Variants in CDK4 observed in about 807,000 individuals in gnomAD.
CDK4 encodes the protein cyclin dependent kinase 4.
In CDK4, 13 loss-of-function variants were observed where a neutral mutation model predicts 36.7. The ratio of observed to expected loss-of-function variants is 0.35; its 90% CI spans 0.23 to 0.56. CDK4 has a LOEUF of 0.56. Among genes scored for constraint, CDK4 ranks in the 20% least tolerant of loss-of-function variants. The pLI is 0.85. For synonymous variants in CDK4, 158 were observed against 146.4 expected (o/e 1.08, Z -0.57); for missense variants, 285 against 387.3 (o/e 0.74, Z 2.22).
At chr12:57,749,023 A>C in intron 7 of CDK4, 159 bp downstream of exon 7, 2 of 962,492 alleles carry the variant, frequency 2.1e-6, no homozygotes, top group Non-Finnish European at 3.3e-6. Flanking sequence ...GTTCTCTTCT[A>C]TATCCTTCTC....
In CDK4 at chr12:57,751,747, A is replaced by G. The variant is rs2140388936; in HGVS notation, c.-19-11T>C. ...AGATCAAGGGAGACCCTACAATCAC[A>G]GACTCCTATCACCAAAAGTCGCTTA... On this transcript the variant is annotated splice_polypyrimidine_tract_variant and intron_variant, in intron 1 of 7. Transcript: ENST00000257904. This position sits in a 1 kb window ranked among gnomAD's most constrained non-coding sequence, Gnocchi z 4.5. 1 of 1,601,134 alleles carries G rather than the reference A, an allele frequency of 6.2e-7. No homozygotes were observed. The highest frequency in any genetic ancestry group is 8.6e-7 in the Non-Finnish European group (1 of 1,168,988).
chr12:57,750,266 C>T, intron 5 of CDK4: 1 of 244,554 alleles, frequency 4.1e-6, no homozygotes, highest in South Asian at 5.0e-5. Context: ...CTGCTATGGG[C>T]AAGTTAGTAG....
chr12:57,747,975 C>A lies in CDK4; in HGVS notation c.*550G>T. ...CAGGCTGGTCTCGAACTCCTGACCT[C>A]AGGTGATCCACCCGCGTTGGCCTCC... On this transcript the variant is annotated 3_prime_UTR_variant, in exon 8 of 8. Transcript: ENST00000257904. 1 of 210,878 alleles carries A rather than the reference C, an allele frequency of 4.7e-6. No individual in the cohort carries two copies. Among genetic ancestry groups the A allele is most frequent in the Admixed American group, 5.3e-5 (1 of 19,024 alleles). 13.1% of individuals were successfully genotyped at this position (210,878 alleles called of 1,614,324 possible).
chr12:57,750,260 T>C (rs1955220528), intron 5 of CDK4: 1 of 232,900 alleles, frequency 4.3e-6, no homozygotes, highest in African/African-American at 2.2e-5. Context: ...AGCTTTCTGC[T>C]ATGGGCAAGT....
chr12:57,750,800 T>C, intron 4 of CDK4, 35 bp from the exon 5 acceptor site: 1 of 1,592,130 alleles, frequency 6.3e-7, no homozygotes, highest in African/African-American at 1.3e-5. Context: ...GGGGACCCCA[T>C]GGGTTACCAT....
At chr12:57,749,396 G>C (rs2140383533) in intron 6 of CDK4, 58 bp downstream of exon 6, 1 of 1,612,842 alleles carries the variant, frequency 6.2e-7, no homozygotes, top group Non-Finnish European at 8.5e-7. Context: ...GCCATCCTGG[G>C]TTCAGCAGAA....
intron 7 of CDK4, chr12:57,748,949 G>A (rs567526804): frequency 4.0e-5 from 24 of 592,912 alleles, no homozygotes; most frequent in African/African-American, 2.4e-4. Flanking sequence ...CAGGTGATAC[G>A]CCCACCTTGG....
rs2140380706 is a variant in CDK4 at position 57,748,462 on chromosome 12, C to T, written c.*63G>A. The T allele has an allele frequency of 6.8e-6, 8 of 1,175,584 alleles. 1 individual carries two copies. Among genetic ancestry groups the T allele is most frequent in the Non-Finnish European group, 1.0e-5 (8 of 782,524 alleles). The allele number at this position is 1,175,584 out of a possible 1,614,324, so 72.8% of individuals were successfully genotyped here. A position where few individuals can be genotyped will look rare whatever the true frequency, so the allele number is the denominator to read the frequency against. On this transcript the variant is annotated 3_prime_UTR_variant, in exon 8 of 8. Transcript: ENST00000257904. ...GCCTCAGAGATAAAGGCAAAGATTG[C>T]CCTCTCAGTGTCCAGAAGGGAAATG...
rs1323224963 is a variant in CDK4 at position 57,748,468 on chromosome 12, C to T, written c.*57G>A. The stretch of plus-strand genomic sequence containing the variant: ...GAGATAAAGGCAAAGATTGCCCTCT[C>T]AGTGTCCAGAAGGGAAATGGCAGCT... On this transcript the variant is annotated 3_prime_UTR_variant, in exon 8 of 8. Coordinates refer to ENST00000257904, the MANE Select transcript of CDK4 (RefSeq NM_000075.4). The T allele has an allele frequency of 1.6e-6, 2 of 1,246,482 alleles. No individual in the cohort carries two copies. The highest frequency in any genetic ancestry group is 2.4e-6 in the Non-Finnish European group (2 of 846,532). The allele number at this position is 1,246,482 out of a possible 1,614,324, so 77.2% of individuals were successfully genotyped here. A position where few individuals can be genotyped will look rare whatever the true frequency, so the allele number is the denominator to read the frequency against.
chr12:57,751,987 C>G lies in CDK4; in HGVS notation c.-20+188G>C, dbSNP rs1264212854. ...ACAATCGCGCCCCGCACAAAGATCA[C>G]ACATGACACATGCCTTGCATCGAAG... On this transcript the variant is annotated intron_variant, in intron 1 of 7. Coordinates refer to ENST00000257904, the MANE Select transcript of CDK4 (RefSeq NM_000075.4). The surrounding 1 kb of genome is among the most constrained non-coding windows in gnomAD (Gnocchi z 4.5). 5 of 532,128 alleles carry G rather than the reference C, an allele frequency of 9.4e-6. No individual in the cohort carries two copies. The highest frequency in any genetic ancestry group is 1.7e-5 in the Non-Finnish European group (5 of 294,278). 33.0% of individuals were successfully genotyped at this position (532,128 alleles called of 1,614,324 possible).
chr12:57,748,056 AAAG>A lies in CDK4; in HGVS notation c.*466_*468del. On this transcript the variant is annotated 3_prime_UTR_variant, in exon 8 of 8. Coordinates refer to ENST00000257904, the MANE Select transcript of CDK4 (RefSeq NM_000075.4). ...CACGCCCCGCCTAAAATCCATATTC[AAAG>A]AAGCAATTTCAGTTCCTTTCTAAGC... The A allele has an allele frequency of 3.8e-6, 1 of 259,756 alleles. No individual in the cohort carries two copies. The allele number at this position is 259,756 out of a possible 1,614,324, so 16.1% of individuals were successfully genotyped here. A position where few individuals can be genotyped will look rare whatever the true frequency, so the allele number is the denominator to read the frequency against.
Position 57,752,211 on chromosome 12 carries a change from T to G in CDK4, c.-56A>C. The G allele has an allele frequency of 4.0e-6, 1 of 247,402 alleles. No individual in the cohort carries two copies. The highest frequency in any genetic ancestry group is 8.0e-6 in the Non-Finnish European group (1 of 125,214). 15.3% of individuals were successfully genotyped at this position (247,402 alleles called of 1,614,324 possible). ...CCGGGGTGCTGTGGGGGCGGCCCGT[T>G]ATCGGGGCCCCGGAGCCGGTTCCTA... On this transcript the variant is annotated 5_prime_UTR_variant, in exon 1 of 8. Transcript: ENST00000257904.
rs922743004 is a variant in CDK4 at position 57,751,852 on chromosome 12, C to T, written c.-19-116G>A. 4.9e-5 allele frequency: 36 copies of T among 731,788 alleles called. No homozygotes were observed. Among genetic ancestry groups the T allele is most frequent in the Non-Finnish European group, 8.3e-5 (35 of 422,144 alleles). 45.3% of individuals were successfully genotyped at this position (731,788 alleles called of 1,614,324 possible). ...GCAAAGAACACCACCAGCATCCCAT[C>T]CCCCGCTCCCAGTCTTCCTTGGGGC... On this transcript the variant is annotated intron_variant, in intron 1 of 7. Coordinates refer to ENST00000257904, the MANE Select transcript of CDK4 (RefSeq NM_000075.4). This position sits in a 1 kb window ranked among gnomAD's most constrained non-coding sequence, Gnocchi z 4.5.
In CDK4 at chr12:57,748,260, T is replaced by A; in HGVS notation, c.*265A>T. 2.5e-6 allele frequency: 1 copy of A among 405,124 alleles called. No homozygotes were observed. The highest frequency in any genetic ancestry group is 4.6e-6 in the Non-Finnish European group (1 of 219,682). 25.1% of individuals were successfully genotyped at this position (405,124 alleles called of 1,614,324 possible). ...AGACCATTATTTCTTTGTTTTGTTT[T>A]TCCTGTATAAAAAAGGACCCCAAAT... On this transcript the variant is annotated 3_prime_UTR_variant, in exon 8 of 8. Transcript: ENST00000257904.
chr12:57,748,729 G>C (rs766039701), intron 7 of CDK4, 112 bp from the exon 8 acceptor site: 2 of 742,650 alleles, frequency 2.7e-6, no homozygotes, highest in African/African-American at 3.6e-5. Context: ...TTTTTGAGAC[G>C]GAGTCTCGCT....
chr12:57,748,594 G>A lies in CDK4; in HGVS notation c.843C>T (p.His281=), dbSNP rs750061873. ...GAGCTCGAAAGGCAGAGATTCGCTT[G>A]TGTGGGTTAAAAGTCAGCATTTCCT... The part of the protein sequence containing the change: ...LLLEMLTFNP[H]KRISAFRALQ... Residue 281 remains histidine, a synonymous_variant, in exon 8 of 8, where the codon CAC becomes CAT. Transcript: ENST00000257904. The A allele has an allele frequency of 3.7e-6, 6 of 1,613,812 alleles. No homozygotes were observed. The highest frequency in any genetic ancestry group is 5.1e-6 in the Non-Finnish European group (6 of 1,179,712).
Position 57,751,317 on chromosome 12 carries a change from G to C in CDK4, c.244C>G (p.Arg82Gly), listed in dbSNP as rs1398120196. Residue 82 changes from arginine to glycine, a missense_variant, in exon 3 of 8, where the codon CGA becomes GGA. Coordinates refer to ENST00000257904, the MANE Select transcript of CDK4 (RefSeq NM_000075.4). The surrounding 1 kb of genome is among the most constrained non-coding windows in gnomAD (Gnocchi z 4.5). ...VRLMDVCATS[R>G]TDREIKVTLV... ...GTTACCTTGATCTCCCGGTCAGTTC[G>C]GGATGTGGCACAGACGTCCATCAGC... 1.9e-6 allele frequency: 3 copies of C among 1,614,090 alleles called. No homozygotes were observed. The highest frequency in any genetic ancestry group is 4.5e-5 in the East Asian group (2 of 44,878).
rs878853622 is a variant in CDK4, at chr12:57,751,581, C to T, written c.137G>A (p.Gly46Glu). ...AACTGTGCTGATGGGAAGGCCTCCT[C>T]CACCTCCTCCTCCATTGGGGACTCT... is the stretch of plus-strand genomic sequence containing the variant. ...SVRVPNGGGG[G>E]GGLPISTVRE... Residue 46 changes from glycine to glutamate, a missense_variant, in exon 2 of 8, where the codon GGA becomes GAA. Gly to Glu is a moderately conservative substitution (Grantham distance 98, BLOSUM62 -2). Transcript: ENST00000257904. This position sits in a 1 kb window ranked among gnomAD's most constrained non-coding sequence, Gnocchi z 4.5. The T allele has an allele frequency of 6.2e-7, 1 of 1,614,186 alleles. No homozygotes were observed. The highest frequency in any genetic ancestry group is 8.5e-7 in the Non-Finnish European group (1 of 1,180,040).
At chr12:57,752,046 C>T in intron 1 of CDK4, 129 bp downstream of exon 1, 1 of 413,254 alleles carries the variant, frequency 2.4e-6, no homozygotes, top group Non-Finnish European at 4.5e-6. Context: ...TTATACTTTC[C>T]CATGACCACA....
Sources: gnomAD v4.1 joint callset for allele counts on GRCh38, gnomAD v4.1.1 for gene constraint, Gnocchi (gnomAD v3.1) non-coding constraint, MANE v1.5 for transcripts, NCBI Gene and HGNC (gene_info 2026-07-23, HGNC 2026-07-21) for gene names.